AUTS2: variants seen among roughly 807,000 people sequenced by gnomAD.
AUTS2 encodes activator of transcription and developmental regulator AUTS2.
AUTS2 carries 17 observed loss-of-function variants against 112.4 expected under a neutral mutation model. That is an observed-to-expected ratio of 0.15 (90% CI 0.10 to 0.23). The LOEUF (loss-of-function observed/expected upper bound fraction) is 0.23. Ranked by LOEUF, AUTS2 falls within the 10% of genes least tolerant of loss-of-function variation. The pLI, the probability that AUTS2 is intolerant of heterozygous loss-of-function variation, is 1.00. For synonymous variants in AUTS2, 751 were observed against 702.7 expected, an observed-to-expected ratio of 1.07 and a Z score of -1.09; for missense variants, 1,510 against 1,701.6, an observed-to-expected ratio of 0.89 and a Z score of 1.98.
chr7:70,626,626 G>A (rs1563084985), intron 5 of AUTS2, among the ~76,000 whole-genome samples: 1 of 152,032 alleles, frequency 6.6e-6, no homozygotes, highest in African/African-American at 2.4e-5. Flanking sequence ...CAGGTACTGA[G>A]CGCAGTACCC....
intron 4 of AUTS2, among the ~76,000 whole-genome samples, chr7:70,297,725 C>G (rs1164321531): frequency 6.6e-6 from 1 of 152,178 alleles, no homozygotes; most frequent in African/African-American, 2.4e-5. Flanking sequence ...TGAGCCACCA[C>G]ACCTGAACGA....
chr7:69,948,378 C>T (rs1796897908), intron 2 of AUTS2, among the ~76,000 whole-genome samples: 1 of 152,154 alleles, frequency 6.6e-6, no homozygotes, highest in South Asian at 2.1e-4. Flanking sequence ...ATGCCTGTGG[C>T]CTACAGATCA....
intron 4 of AUTS2, among the ~76,000 whole-genome samples, chr7:70,204,946 A>T (rs1050471623): frequency 2.0e-5 from 3 of 151,342 alleles, no homozygotes; most frequent in South Asian, 4.2e-4. Context: ...GTCTATAGGG[A>T]AAAAAAAAGG....
chr7:69,644,162 G>A (rs1794918857), intron 1 of AUTS2, among the ~76,000 whole-genome samples: 1 of 152,162 alleles, frequency 6.6e-6, no homozygotes, highest in Admixed American at 6.5e-5. Flanking sequence ...AGCTAAGACA[G>A]GCCCTGTGTT....
At chr7:70,244,054 G>A (rs1812774057) in intron 4 of AUTS2, among the ~76,000 whole-genome samples, 1 of 152,012 alleles carries the variant, frequency 6.6e-6, no homozygotes, top group South Asian at 2.1e-4. Context: ...AGGGTACTGT[G>A]TGAGTTATTT....
intron 1 of AUTS2, among the ~76,000 whole-genome samples, chr7:69,602,072 G>A (rs1292351960): frequency 2.3e-3 from 114 of 49,050 alleles, no homozygotes; most frequent in African/African-American, 7.1e-3. Context: ...GTGTGTGTGT[G>A]TGTGTGTGTG....
intron 2 of AUTS2, among the ~76,000 whole-genome samples, chr7:70,023,096 C>T (rs1432961927): frequency 1.3e-5 from 2 of 152,166 alleles, no homozygotes; most frequent in Non-Finnish European, 2.9e-5. Context: ...CTTTCTGCCT[C>T]AGCCTCCCAA....
intron 5 of AUTS2, among the ~76,000 whole-genome samples, chr7:70,494,076 G>A (rs1001355414): frequency 2.6e-5 from 4 of 152,158 alleles, no homozygotes; most frequent in Non-Finnish European, 4.4e-5. Context: ...TGAAATCGGC[G>A]TCCTCTTTGA....
At chr7:69,839,692 G>A (rs556310337) in intron 1 of AUTS2, among the ~76,000 whole-genome samples, 1 of 152,194 alleles carries the variant, frequency 6.6e-6, no homozygotes, top group East Asian at 1.9e-4. Context: ...GTAGGAGTGG[G>A]GGTATTCAGG....
intron 5 of AUTS2, among the ~76,000 whole-genome samples, chr7:70,568,760 C>G (rs543594716): frequency 2.0e-5 from 3 of 152,352 alleles, no homozygotes; most frequent in African/African-American, 7.2e-5. Flanking sequence ...CCAGAGCCAA[C>G]TGGGAACTCT....
chr7:69,738,631 G>A (rs561879778), intron 1 of AUTS2, among the ~76,000 whole-genome samples: 113 of 152,280 alleles, frequency 7.4e-4, no homozygotes, highest in African/African-American at 2.6e-3. Flanking sequence ...GGGCAATTAA[G>A]TATGCTAGGT....
chr7:69,881,384 A>G (rs936850646), intron 1 of AUTS2, among the ~76,000 whole-genome samples: 3 of 146,828 alleles, frequency 2.0e-5, no homozygotes, highest in African/African-American at 7.7e-5. Flanking sequence ...TTTTTTTTTT[A>G]ATGGTTAGGC....
chr7:69,632,800 T>C (rs1441765066), intron 1 of AUTS2, among the ~76,000 whole-genome samples: 1 of 152,122 alleles, frequency 6.6e-6, no homozygotes, highest in Non-Finnish European at 1.5e-5. Flanking sequence ...ATTTGGAAAA[T>C]GTTAAATGTA....
intron 1 of AUTS2, among the ~76,000 whole-genome samples, chr7:69,707,693 G>A (rs1798129742): frequency 6.6e-6 from 1 of 152,148 alleles, no homozygotes; most frequent in Non-Finnish European, 1.5e-5. Flanking sequence ...TATCCTTGCG[G>A]GATTAACATA....
At chr7:70,784,798 C>T in intron 15 of AUTS2, 144 bp from the exon 16 acceptor site, 2 of 465,932 alleles carry the variant, frequency 4.3e-6, no homozygotes, top group South Asian at 2.3e-5. Context: ...TACCCTGTGT[C>T]TTGCCTGCAG....
chr7:69,996,225 C>A (rs1798938002), intron 2 of AUTS2, among the ~76,000 whole-genome samples: 1 of 152,156 alleles, frequency 6.6e-6, no homozygotes, highest in Non-Finnish European at 1.5e-5. Context: ...CATAAATTTG[C>A]AAAACACAGT....
chr7:70,189,506 A>G (rs971790094), intron 4 of AUTS2, among the ~76,000 whole-genome samples: 1 of 152,238 alleles, frequency 6.6e-6, no homozygotes, highest in Admixed American at 6.5e-5. Context: ...TTTTGGTGGA[A>G]TATGGTGTGT....
At chr7:70,546,144 G>T (rs1800764973) in intron 5 of AUTS2, among the ~76,000 whole-genome samples, 1 of 152,182 alleles carries the variant, frequency 6.6e-6, no homozygotes, top group South Asian at 2.1e-4. Context: ...CACTGCTACA[G>T]AGTTAACTTA....
At chr7:70,406,254 G>A (rs1489564984) in intron 4 of AUTS2, among the ~76,000 whole-genome samples, 1 of 152,110 alleles carries the variant, frequency 6.6e-6, no homozygotes, top group African/African-American at 2.4e-5. Flanking sequence ...CATGGGGAGT[G>A]AGAGGCTTCC....
Sources: gnomAD v4.1 joint callset for allele counts (sites outside exome capture counted in the v4.1 genomes callset) on GRCh38, gnomAD v4.1.1 for gene constraint, MANE v1.5 for transcripts, NCBI Gene and HGNC (gene_info 2026-07-23, HGNC 2026-07-21) for gene names.